The following NFKB2 variants were observed in gnomAD, a reference collection of about 807,000 sequenced individuals.
NFKB2 encodes nuclear factor NF-kappa-B p100 subunit.
A neutral mutation model predicts 109.3 loss-of-function variants in NFKB2; 21 were observed. The ratio of observed to expected loss-of-function variants is 0.19; its 90% CI spans 0.14 to 0.28. NFKB2 has a LOEUF of 0.28. Among genes scored for constraint, NFKB2 ranks in the 10% least tolerant of loss-of-function variants. NFKB2 has a pLI of 1.00. For synonymous variants in NFKB2, 478 were observed against 489.9 expected (o/e 0.98, Z 0.32); for missense variants, 806 against 1,185.3 (o/e 0.68, Z 4.70).
chr10:102,396,289 T>C lies in NFKB2; in HGVS notation c.58T>C (p.Leu20=), dbSNP rs2061110972. The change falls in exon 3 of 23, where the codon TTG becomes CTG. Residue 20 remains leucine (L), a synonymous_variant. Transcript: ENST00000661543. This position sits in a 1 kb window ranked among gnomAD's most constrained non-coding sequence, Gnocchi z 5.9. ...DGIIEYDDFK[L]NSSIVEPKEP... is the part of the protein sequence containing the mutation. ...TATTATTGAATATGATGATTTCAAA[T>C]TGAACTCCTCCATTGTGGAACCCAA... is the stretch of plus-strand genomic sequence containing the variant. 3 of 1,613,054 alleles carry C rather than the reference T, an allele frequency of 1.9e-6. No homozygotes were observed. The highest frequency in any genetic ancestry group is 2.5e-6 in the Non-Finnish European group (3 of 1,179,128).
Position 102,397,994 on chromosome 10 carries a change from A to G in NFKB2, c.675A>G (p.Ala225=). Residue 225 remains alanine (A), a synonymous_variant, in exon 9 of 23, where the codon GCA becomes GCG. Coordinates refer to ENST00000661543, the MANE Select transcript of NFKB2 (RefSeq NM_001322934.2). This position sits in a 1 kb window ranked among gnomAD's most constrained non-coding sequence, Gnocchi z 4.7. The stretch of plus-strand genomic sequence containing the variant: ...CCCACTCCATAGAATCTCCGGGGGC[A>G]TCAAACCTGAAGATTTCTCGAATGG... ...QPIHDSKSPG[A]SNLKISRMDK... The G allele has an allele frequency of 1.2e-6, 2 of 1,614,200 alleles. No homozygotes were observed. The highest frequency in any genetic ancestry group is 1.1e-5 in the South Asian group (1 of 91,090).
rs1357695101 is a variant in NFKB2, at chr10:102,396,964, C to A, written c.304C>A (p.Pro102Thr). 1 of 1,613,700 alleles carries A rather than the reference C, an allele frequency of 6.2e-7. No individual in the cohort carries two copies. Among genetic ancestry groups the A allele is most frequent in the East Asian group, 2.2e-5 (1 of 44,838 alleles). Residue 102 changes from proline (P) to threonine (T), a missense_variant, in exon 6 of 23, where the codon CCT (proline) becomes ACT (threonine). Physicochemically the swap from Pro to Thr is conservative, Grantham distance 38. Around this residue, in one of 10 missense-constraint regions of NFKB2, gnomAD observed 24 missense variants for 105.2 expected, o/e 0.23. Coordinates refer to ENST00000661543, the MANE Select transcript of NFKB2 (RefSeq NM_001322934.2). The surrounding 1 kb of genome is among the most constrained non-coding windows in gnomAD (Gnocchi z 5.9). ...EVDLVTHSDP[P>T]RAHAHSLVGK... ...GGACCTGGTAACACACAGTGACCCA[C>A]CTCGTGCTCATGCCCACAGTCTGGT...
rs558983090 is a variant in NFKB2, at chr10:102,402,500, G to A, written c.*124G>A. On this transcript the variant is annotated 3_prime_UTR_variant, in exon 23 of 23. Transcript: ENST00000661543. ...ACAAATAAAGGATTCTCATGGGAAG[G>A]GGAGGACCCCTCCTTCCCAACTTAT... 29 of 611,308 alleles carry A rather than the reference G, an allele frequency of 4.7e-5. No homozygotes were observed. The South Asian group carries it at 6.4e-4, about 14-fold the overall frequency. 37.9% of individuals were successfully genotyped at this position (611,308 alleles called of 1,614,324 possible). A position where few individuals can be genotyped will look rare whatever the true frequency, so the allele number is the denominator to read the frequency against.
Position 102,398,998 on chromosome 10 carries a change from A to G in NFKB2, c.1117+134A>G, listed in dbSNP as rs538185488. 28 of 1,009,204 alleles carry G rather than the reference A, an allele frequency of 2.8e-5. No homozygotes were observed. Among genetic ancestry groups the G allele is most frequent in the Non-Finnish European group, 3.9e-5 (27 of 701,060 alleles). The allele number at this position is 1,009,204 out of a possible 1,614,324, so 62.5% of individuals were successfully genotyped here. A position where few individuals can be genotyped will look rare whatever the true frequency, so the allele number is the denominator to read the frequency against. Reference sequence around the variant, plus strand: ...GAGGCCAAGGCAGGCAGATTACCTGAGATCAGGAGTTCAAGACCAGCTTGG... The same window carrying G: ...GAGGCCAAGGCAGGCAGATTACCTGGGATCAGGAGTTCAAGACCAGCTTGG... On this transcript the variant is annotated intron_variant, in intron 12 of 22. Coordinates refer to ENST00000661543, the MANE Select transcript of NFKB2 (RefSeq NM_001322934.2). This position sits in a 1 kb window ranked among gnomAD's most constrained non-coding sequence, Gnocchi z 6.6.
At position 102,399,632 on chromosome 10, in the gene NFKB2, A is replaced by C. The variant is rs1412939905; in HGVS notation, c.1383A>C (p.Leu461=). The C allele has an allele frequency of 6.5e-7, 1 of 1,543,586 alleles. No homozygotes were observed. Among genetic ancestry groups the C allele is most frequent in the Middle Eastern group, 1.7e-4 (1 of 5,920 alleles). Residue 461 remains leucine, a synonymous_variant, in exon 14 of 23, where the codon CTA becomes CTC. Coordinates refer to ENST00000661543, the MANE Select transcript of NFKB2 (RefSeq NM_001322934.2). Reference sequence around the variant, plus strand: ...TGGCGCAGCGCAGCGCCCGAGCCCTACTCGACTACGGCGTCACCGCGGACG... The same window carrying C: ...TGGCGCAGCGCAGCGCCCGAGCCCTCCTCGACTACGGCGTCACCGCGGACG... ...FGLAQRSARA[L]LDYGVTADAR... is the part of the protein sequence containing the mutation.
In NFKB2 at chr10:102,395,938, G is replaced by C. The variant is rs1565203665; in HGVS notation, c.-22G>C. 1 of 1,611,366 alleles carries C rather than the reference G, an allele frequency of 6.2e-7. No individual in the cohort carries two copies. The highest frequency in any genetic ancestry group is 8.5e-7 in the Non-Finnish European group (1 of 1,179,450). On this transcript the variant is annotated 5_prime_UTR_variant, in exon 2 of 23. Coordinates refer to ENST00000661543, the MANE Select transcript of NFKB2 (RefSeq NM_001322934.2). ...AGAACCTGGCCGGAGCCACTAGACA[G>C]AGCCGGGCCTAGCCCAGAGACATGG...
At chr10:102,399,886 C>G (rs944489268) in intron 14 of NFKB2, 168 bp downstream of exon 14, 2 of 1,145,162 alleles carry the variant, frequency 1.7e-6, no homozygotes, top group African/African-American at 3.1e-5. Context: ...TTTGGTCGAC[C>G]GTGCAAGGGG....
rs747197216 is a variant in NFKB2, at chr10:102,397,944, T to C, written c.662-37T>C. ...AGCTTCTTAAATGTGGCCTTGGCTATTGCATCATCTCAACTAATCCATATC... is the reference window on the plus strand; with the variant it reads ...AGCTTCTTAAATGTGGCCTTGGCTACTGCATCATCTCAACTAATCCATATC... On this transcript the variant is annotated intron_variant, in intron 8 of 22. Coordinates refer to ENST00000661543, the MANE Select transcript of NFKB2 (RefSeq NM_001322934.2). The surrounding 1 kb of genome is among the most constrained non-coding windows in gnomAD (Gnocchi z 4.7). 3 of 1,600,644 alleles carry C rather than the reference T, an allele frequency of 1.9e-6. No homozygotes were observed. The highest frequency in any genetic ancestry group is 2.7e-5 in the African/African-American group (2 of 74,726).
chr10:102,399,987 G>C, intron 14 of NFKB2, 93 bp from the exon 15 acceptor site: 2 of 1,330,986 alleles, frequency 1.5e-6, no homozygotes, highest in Non-Finnish European at 2.1e-6. Flanking sequence ...GGGTTCCATG[G>C]GCCCCAGCGA....
Position 102,396,375 on chromosome 10 carries a change from G to C in NFKB2, c.103+41G>C. 6.2e-7 allele frequency: 1 copy of C among 1,613,948 alleles called. No homozygotes were observed. The highest frequency in any genetic ancestry group is 8.5e-7 in the Non-Finnish European group (1 of 1,179,798). On this transcript the variant is annotated intron_variant, in intron 3 of 22. Transcript: ENST00000661543. The surrounding 1 kb of genome is among the most constrained non-coding windows in gnomAD (Gnocchi z 5.9). ...AACCTCCCCTAGTCCTAAAGCGGGG[G>C]AGGGAGAGCATGTGCCCTCTCTCTG...
chr10:102,396,420 G>C lies in NFKB2; in HGVS notation c.104-29G>C, dbSNP rs374600410. Reference sequence around the variant, plus strand: ...TCTCTGGGGGAGGGGCTGGGAGATCGTGGCTCAGCAAGGTCTCTCTGTCCC... The same window carrying C: ...TCTCTGGGGGAGGGGCTGGGAGATCCTGGCTCAGCAAGGTCTCTCTGTCCC... On this transcript the variant is annotated intron_variant, in intron 3 of 22. Coordinates refer to ENST00000661543, the MANE Select transcript of NFKB2 (RefSeq NM_001322934.2). This position sits in a 1 kb window ranked among gnomAD's most constrained non-coding sequence, Gnocchi z 5.9. The C allele has an allele frequency of 6.2e-6, 10 of 1,614,124 alleles. No individual in the cohort carries two copies. Among genetic ancestry groups the C allele is most frequent in the East Asian group, 2.2e-5 (1 of 44,884 alleles).
In NFKB2 at chr10:102,397,154, A is replaced by G. The variant is rs12772374; in HGVS notation, c.395+99A>G. 254,230 of 1,559,794 alleles carry G rather than the reference A, an allele frequency of 0.16. 22,230 individuals carry two copies. Among genetic ancestry groups the G allele is most frequent in the Non-Finnish European group, 0.18 (205,643 of 1,147,364 alleles). On this transcript the variant is annotated intron_variant, in intron 6 of 22. Transcript: ENST00000661543. This position sits in a 1 kb window ranked among gnomAD's most constrained non-coding sequence, Gnocchi z 4.7. ...GCTTAGCATCTGACCAAGGGGAAAGATGTAGGTTGGCCCCAAACCCAAGGG... is the reference window on the plus strand; with the variant it reads ...GCTTAGCATCTGACCAAGGGGAAAGGTGTAGGTTGGCCCCAAACCCAAGGG...
In NFKB2 at chr10:102,400,521, G is replaced by A. The variant is rs575286267; in HGVS notation, c.1798+30G>A. On this transcript the variant is annotated intron_variant, in intron 16 of 22. Coordinates refer to ENST00000661543, the MANE Select transcript of NFKB2 (RefSeq NM_001322934.2). This position sits in a 1 kb window ranked among gnomAD's most constrained non-coding sequence, Gnocchi z 6.3. ...GCTCCCCATCTCACCTGACTAAGGG[G>A]GCAGGCGGGGACCAGGGAGGGTATC... The A allele has an allele frequency of 1.3e-6, 2 of 1,589,062 alleles. No homozygotes were observed. Among genetic ancestry groups the A allele is most frequent in the African/African-American group, 1.3e-5 (1 of 74,378 alleles).
At position 102,395,928 on chromosome 10, in the gene NFKB2, C is replaced by T; in HGVS notation, c.-32C>T. 6.2e-7 allele frequency: 1 copy of T among 1,611,302 alleles called. No homozygotes were observed. Among genetic ancestry groups the T allele is most frequent in the African/African-American group, 1.3e-5 (1 of 74,868 alleles). On this transcript the variant is annotated 5_prime_UTR_variant, in exon 2 of 23. Coordinates refer to ENST00000661543, the MANE Select transcript of NFKB2 (RefSeq NM_001322934.2). Reference sequence around the variant, plus strand: ...TCTGGGAAGCAGAACCTGGCCGGAGCCACTAGACAGAGCCGGGCCTAGCCC... The same window carrying T: ...TCTGGGAAGCAGAACCTGGCCGGAGTCACTAGACAGAGCCGGGCCTAGCCC...
rs369098912 is a variant in NFKB2 at position 102,398,177 on chromosome 10, C to A, written c.767-35C>A. Reference sequence around the variant, plus strand: ...GGGTAAATGGCCCCAGAGATTCCACCGGGAGCTGTGGCCAAGCTTCCGTTT... The same window carrying A: ...GGGTAAATGGCCCCAGAGATTCCACAGGGAGCTGTGGCCAAGCTTCCGTTT... On this transcript the variant is annotated intron_variant, in intron 9 of 22. Coordinates refer to ENST00000661543, the MANE Select transcript of NFKB2 (RefSeq NM_001322934.2). The surrounding 1 kb of genome is among the most constrained non-coding windows in gnomAD (Gnocchi z 6.6). 5.3e-5 allele frequency: 86 copies of A among 1,612,790 alleles called. No homozygotes were observed. Among genetic ancestry groups the A allele is most frequent in the Non-Finnish European group, 7.1e-5 (84 of 1,178,972 alleles).
Position 102,400,557 on chromosome 10 carries a change from C to A in NFKB2, c.1798+66C>A. 6.3e-7 allele frequency: 1 copy of A among 1,591,706 alleles called. No homozygotes were observed. The highest frequency in any genetic ancestry group is 1.1e-5 in the South Asian group (1 of 88,806). On this transcript the variant is annotated intron_variant, in intron 16 of 22. Coordinates refer to ENST00000661543, the MANE Select transcript of NFKB2 (RefSeq NM_001322934.2). The surrounding 1 kb of genome is among the most constrained non-coding windows in gnomAD (Gnocchi z 6.3). ...ACCAGGGAGGGTATCTGGCCAGTGC[C>A]CAGAATGGACTATGAGGTGTCGAGA... is the stretch of plus-strand genomic sequence containing the variant.
chr10:102,399,816 C>CA (rs2135436433), intron 14 of NFKB2, 98 bp downstream of exon 14: 1 of 1,415,384 alleles, frequency 7.1e-7, no homozygotes, highest in Admixed American at 2.8e-5. Flanking sequence ...CGCCAGGCTT[C>CA]AAGTCCGGCC....
Position 102,401,814 on chromosome 10 carries a change from A to G in NFKB2, c.2363A>G (p.Gln788Arg). 6.2e-7 allele frequency: 1 copy of G among 1,613,942 alleles called. No homozygotes were observed. The highest frequency in any genetic ancestry group is 1.3e-5 in the African/African-American group (1 of 75,070). Reference sequence around the variant, plus strand: ...CAGCTGCTAGACGGGCCAGAAGCCCAGGGCAGCTGGGCAGAGCTGGCAGAG... The same window carrying G: ...CAGCTGCTAGACGGGCCAGAAGCCCGGGGCAGCTGGGCAGAGCTGGCAGAG... ...LEQLLDGPEA[Q>R]GSWAELAERL... Residue 788 changes from glutamine (Q) to arginine (R), a missense_variant, in exon 21 of 23, where the codon CAG (glutamine) becomes CGG (arginine). Transcript: ENST00000661543. The surrounding 1 kb of genome is among the most constrained non-coding windows in gnomAD (Gnocchi z 4.2).
rs898009412 is a variant in NFKB2 at position 102,397,809 on chromosome 10, T to C, written c.661+124T>C. 1.8e-5 allele frequency: 24 copies of C among 1,336,982 alleles called. 1 individual carries two copies. In the Admixed American group the frequency reaches 2.2e-4, roughly 12 times the overall value. 82.8% of individuals were successfully genotyped at this position (1,336,982 alleles called of 1,614,324 possible). A position where few individuals can be genotyped will look rare whatever the true frequency, so the allele number is the denominator to read the frequency against. On this transcript the variant is annotated intron_variant, in intron 8 of 22. Transcript: ENST00000661543. This position sits in a 1 kb window ranked among gnomAD's most constrained non-coding sequence, Gnocchi z 4.7. ...CTGGCCCTGCCACATATGAGCTGAGTGATCCTGAGCAAGTCATTTCCCCCC... is the reference window on the plus strand; with the variant it reads ...CTGGCCCTGCCACATATGAGCTGAGCGATCCTGAGCAAGTCATTTCCCCCC...
Sources: allele counts gnomAD v4.1 joint callset, GRCh38; gene constraint gnomAD v4.1.1; regional missense constraint gnomAD v4.1.1; non-coding constraint Gnocchi (gnomAD v3.1); transcripts MANE v1.5; gene names NCBI Gene and HGNC (gene_info 2026-07-23, HGNC 2026-07-21).